The following STK4 variants were observed in gnomAD, a reference collection of about 807,000 sequenced individuals.
The protein encoded by STK4 is serine/threonine kinase 4.
In STK4, 30 loss-of-function variants were observed where a neutral mutation model predicts 64.9. The ratio of observed to expected loss-of-function variants is 0.46; its 90% CI spans 0.35 to 0.63. The LOEUF (loss-of-function observed/expected upper bound fraction) is 0.63. Among genes scored for constraint, STK4 ranks in the 20% least tolerant of loss-of-function variants. The pLI is 0.01. For synonymous variants in STK4, 177 were observed against 199.0 expected (o/e 0.89, Z 0.93); for missense variants, 466 against 598.5 (o/e 0.78, Z 2.31).
In STK4 at chr20:45,055,193, C is replaced by T. The variant is rs116449283; in HGVS notation, c.1306-19825C>T. On this transcript the variant is annotated intron_variant, in intron 10 of 10. Coordinates refer to ENST00000372806, the MANE Select transcript of STK4 (RefSeq NM_006282.5). ...CATTTTCCTGCCTTTAGGGAAAACA[C>T]GTATATTCAGAAATATCATGGTTGT... 5.8e-3 allele frequency among the ~76,000 whole-genome samples: 880 copies of T among 152,270 alleles called. 9 individuals are homozygous for T. Among genetic ancestry groups the T allele is most frequent in the African/African-American group, 0.02 (812 of 41,540 alleles).
chr20:45,013,656 CAT>C (rs1477708041), intron 9 of STK4, among the ~76,000 whole-genome samples: 18 of 152,084 alleles, frequency 1.2e-4, no homozygotes, highest in African/African-American at 3.1e-4. Flanking sequence ...TGTGGCCTAA[CAT>C]GTTATTAATT....
intron 2 of STK4, among the ~76,000 whole-genome samples, chr20:44,973,808 T>C (rs1010486483): frequency 6.6e-6 from 1 of 152,184 alleles, no homozygotes; most frequent in African/African-American, 2.4e-5. Flanking sequence ...TTACCTGAGG[T>C]AATTGGGGTA....
chr20:45,057,512 G>C (rs1978589938), intron 10 of STK4, among the ~76,000 whole-genome samples: 1 of 152,074 alleles, frequency 6.6e-6, no homozygotes, highest in African/African-American at 2.4e-5. Flanking sequence ...TAGACAAATA[G>C]AACTATACCT....
chr20:44,979,482 G>A (rs1323111965), intron 3 of STK4, among the ~76,000 whole-genome samples: 1 of 152,154 alleles, frequency 6.6e-6, no homozygotes, highest in Admixed American at 6.5e-5. Flanking sequence ...ATGACAACAT[G>A]GGTTGGTCAC....
chr20:44,968,301 C>T (rs1470591686), intron 1 of STK4, among the ~76,000 whole-genome samples: 1 of 152,184 alleles, frequency 6.6e-6, no homozygotes, highest in African/African-American at 2.4e-5. Flanking sequence ...CCACGCCTGG[C>T]TAATTTTTTG....
chr20:45,072,835 T>C (rs1298542840), intron 10 of STK4, among the ~76,000 whole-genome samples: 1 of 152,176 alleles, frequency 6.6e-6, no homozygotes, highest in Non-Finnish European at 1.5e-5. Context: ...ACAATAATAA[T>C]AAGAATAACA....
chr20:44,993,993 A>G (rs2067682862), intron 5 of STK4, among the ~76,000 whole-genome samples: 1 of 151,904 alleles, frequency 6.6e-6, no homozygotes, highest in African/African-American at 2.4e-5. Flanking sequence ...AAAAAAAAAA[A>G]ATCCTTCTTT....
intron 10 of STK4, among the ~76,000 whole-genome samples, chr20:45,047,582 A>G (rs990645000): frequency 6.6e-6 from 1 of 152,150 alleles, no homozygotes; most frequent in Non-Finnish European, 1.5e-5. Flanking sequence ...CCATTCATCT[A>G]TGTGTATAGG....
intron 10 of STK4, among the ~76,000 whole-genome samples, chr20:45,038,667 T>G (rs1356302609): frequency 6.6e-6 from 1 of 152,036 alleles, no homozygotes; most frequent in African/African-American, 2.4e-5. Flanking sequence ...GGTAGTTTTA[T>G]CTAGAACAGA....
At chr20:44,986,177 T>G (rs1054165308) in intron 4 of STK4, among the ~76,000 whole-genome samples, 1 of 152,148 alleles carries the variant, frequency 6.6e-6, no homozygotes, top group African/African-American at 2.4e-5. Context: ...CATAGATAAA[T>G]AATGGGTAAT....
intron 10 of STK4, among the ~76,000 whole-genome samples, chr20:45,041,247 TC>T (rs1172868720): frequency 6.6e-6 from 1 of 152,196 alleles, no homozygotes; most frequent in Non-Finnish European, 1.5e-5. Flanking sequence ...TAGTTTCTAT[TC>T]CTATCTCCTC....
chr20:44,968,991 C>T (rs1444206669), intron 1 of STK4, among the ~76,000 whole-genome samples: 1 of 152,140 alleles, frequency 6.6e-6, no homozygotes, highest in Admixed American at 6.5e-5. Flanking sequence ...TCTTTTGACG[C>T]CTTTGCTTGA....
chr20:44,995,605 CAAAAAAAAAAA>C lies in STK4; in HGVS notation c.693+362_693+372del, dbSNP rs60140206. Among the ~76,000 whole-genome samples, 7 of 54,550 alleles carry C rather than the reference CAAAAAAAAAAA, an allele frequency of 1.3e-4. No homozygotes were observed. The East Asian group carries it at 2.8e-3, about 22-fold the overall frequency. The allele number at this position is 54,550 out of a possible 152,430, so 35.8% of individuals were successfully genotyped here. On this transcript the variant is annotated intron_variant, in intron 6 of 10. Coordinates refer to ENST00000372806, the MANE Select transcript of STK4 (RefSeq NM_006282.5). ...TGGGAGAGAGAGTGAGACTCCATCT[CAAAAAAAAAAA>C]AAAAAAAAAAAAAGTTCAATGGCTT...
intron 9 of STK4, 138 bp downstream of exon 9, chr20:45,001,491 T>C (rs1370189737): frequency 9.3e-7 from 1 of 1,074,978 alleles, no homozygotes; most frequent in East Asian, 2.7e-5. Context: ...ACTTGGAAGT[T>C]TGCGATGGGG....
rs150482631 is a variant in STK4 at position 45,045,307 on chromosome 20, A to T, written c.1305+20177A>T. Among the ~76,000 whole-genome samples, 1,305 of 152,308 alleles carry T rather than the reference A, an allele frequency of 8.6e-3. 23 individuals are homozygous for T. Among genetic ancestry groups the T allele is most frequent in the African/African-American group, 0.03 (1,231 of 41,564 alleles). On this transcript the variant is annotated intron_variant, in intron 10 of 10. Coordinates refer to ENST00000372806, the MANE Select transcript of STK4 (RefSeq NM_006282.5). ...GGGTTTCTTATCCTCTTATAGTTTG[A>T]GGAACTGGAGCCCAGAGACATTTTA...
intron 9 of STK4, among the ~76,000 whole-genome samples, chr20:45,004,870 G>A (rs1276262806): frequency 6.6e-6 from 1 of 151,186 alleles, no homozygotes; most frequent in African/African-American, 2.4e-5. Context: ...CCAGGTTCAA[G>A]CGATTCTCCT....
At chr20:45,038,826 G>A (rs1255125901) in intron 10 of STK4, among the ~76,000 whole-genome samples, 4 of 151,822 alleles carry the variant, frequency 2.6e-5, no homozygotes, top group Non-Finnish European at 5.9e-5. Flanking sequence ...ATACATTAAT[G>A]TAGTTTTTTT....
At chr20:45,016,350 C>T (rs1165620441) in intron 9 of STK4, among the ~76,000 whole-genome samples, 8 of 152,234 alleles carry the variant, frequency 5.3e-5, no homozygotes, top group Admixed American at 2.0e-4. Context: ...TTTCCACCCC[C>T]GAAAGATAAC....
intron 2 of STK4, chr20:44,972,725 C>CATAATTTTT (rs1192457881): frequency 6.6e-6 from 1 of 152,058 alleles, no homozygotes; most frequent in Non-Finnish European, 1.5e-5. Flanking sequence ...ATTAAGTTTA[C>CATAATTTTT]ATAATTTTTA....
Sources: allele counts gnomAD v4.1 joint callset (sites outside exome capture counted in the v4.1 genomes callset), GRCh38; gene constraint gnomAD v4.1.1; transcripts MANE v1.5; gene names NCBI Gene and HGNC (gene_info 2026-07-23, HGNC 2026-07-21).